The following OSBP2 variants were observed in gnomAD, a reference collection of about 807,000 sequenced individuals.
The protein encoded by OSBP2 is oxysterol-binding protein 2.
A neutral mutation model predicts 96.0 loss-of-function variants in OSBP2; 66 were observed. The observed-to-expected ratio is 0.69, with a 90% CI of 0.56 to 0.84. OSBP2 has a LOEUF of 0.84. OSBP2 is among the 40% of genes least tolerant of loss of function. The pLI is 0.00. For synonymous variants in OSBP2, 525 were observed against 520.9 expected (o/e 1.01, Z -0.11); for missense variants, 1,038 against 1,222.7 (o/e 0.85, Z 2.25).
intron 12 of OSBP2, among the ~76,000 whole-genome samples, chr22:30,905,134 C>CTT (rs566334052): frequency 0.017 from 1,193 of 68,706 alleles, 97 homozygotes; most frequent in East Asian, 0.045. Flanking sequence ...CGAGACCCGT[C>CTT]TTTTTTTTTT....
intron 2 of OSBP2, among the ~76,000 whole-genome samples, chr22:30,834,302 T>C (rs2038588710): frequency 6.6e-6 from 1 of 152,246 alleles, no homozygotes; most frequent in African/African-American, 2.4e-5. Context: ...AACTTTTCTA[T>C]GAACACAAAA....
At chr22:30,874,364 A>G (rs970381627) in intron 3 of OSBP2, among the ~76,000 whole-genome samples, 9 of 152,166 alleles carry the variant, frequency 5.9e-5, no homozygotes, top group African/African-American at 1.9e-4. Flanking sequence ...GTGAGCCAAG[A>G]TCACGCCACT....
chr22:30,725,202 A>T (rs371973115), intron 1 of OSBP2, among the ~76,000 whole-genome samples: 1 of 145,144 alleles, frequency 6.9e-6, no homozygotes, highest in Non-Finnish European at 1.5e-5. Flanking sequence ...AAAAACAAAA[A>T]AAAAACAAAA....
chr22:30,826,910 G>A (rs951754333), intron 2 of OSBP2, among the ~76,000 whole-genome samples: 15 of 152,142 alleles, frequency 9.9e-5, no homozygotes, highest in African/African-American at 3.4e-4. Flanking sequence ...TTTCCATTCT[G>A]GTCCCACTGT....
At chr22:30,750,595 C>T (rs2090063130) in intron 2 of OSBP2, among the ~76,000 whole-genome samples, 1 of 152,208 alleles carries the variant, frequency 6.6e-6, no homozygotes, top group African/African-American at 2.4e-5. Flanking sequence ...TTAACATCAA[C>T]ACAGACCTTA....
At chr22:30,792,500 A>G (rs530110983) in intron 2 of OSBP2, among the ~76,000 whole-genome samples, 16 of 152,184 alleles carry the variant, frequency 1.1e-4, no homozygotes, top group African/African-American at 3.6e-4. Flanking sequence ...GTTTGCATTT[A>G]TACTTTTTAA....
At position 30,829,494 on chromosome 22, in the gene OSBP2, T is replaced by C. The variant is rs1434182073; in HGVS notation, c.854-40935T>C. 3.3e-5 allele frequency among the ~76,000 whole-genome samples: 5 copies of C among 152,304 alleles called. No individual in the cohort carries two copies. In the East Asian group the frequency reaches 9.7e-4, roughly 29 times the overall value. ...TTTTAGTAGAGATGGGGTTTCCCCA[T>C]GTTGGCCAGACTGGTCTTGAACTCC... On this transcript the variant is annotated intron_variant, in intron 2 of 13. Coordinates refer to ENST00000332585, the MANE Select transcript of OSBP2 (RefSeq NM_030758.4).
At chr22:30,902,139 CCA>C (rs2040223338) in intron 12 of OSBP2, 100 of 66,220 alleles carry the variant, frequency 1.5e-3, no homozygotes, top group East Asian at 2.5e-3. Context: ...AAAAAAAAAA[CCA>C]AAAAAAAAAA....
chr22:30,824,422 C>A (rs2038353868), intron 2 of OSBP2, among the ~76,000 whole-genome samples: 1 of 152,078 alleles, frequency 6.6e-6, no homozygotes, highest in South Asian at 2.1e-4. Context: ...GGGAGTTTGT[C>A]CCTCAGGTGT....
Position 30,752,533 on chromosome 22 carries a change from G to A in OSBP2, c.853+11164G>A, listed in dbSNP as rs187640411. On this transcript the variant is annotated intron_variant, in intron 2 of 13. Coordinates refer to ENST00000332585, the MANE Select transcript of OSBP2 (RefSeq NM_030758.4). ...TCTCGATCTCCTGACCTTGTGATCC[G>A]CCTGCCTTGGCCTCCCAAAGTGCTA... is the stretch of plus-strand genomic sequence containing the variant. Among the ~76,000 whole-genome samples the A allele has an allele frequency of 7.8e-3, 1,183 of 151,808 alleles. 51 individuals carry two copies. The highest frequency in any genetic ancestry group is 0.069 in the Admixed American group (1,048 of 15,212).
chr22:30,833,499 T>A (rs530868592), intron 2 of OSBP2, among the ~76,000 whole-genome samples: 12 of 152,350 alleles, frequency 7.9e-5, no homozygotes, highest in African/African-American at 2.9e-4. Flanking sequence ...CCTTGACCTG[T>A]CACCCTGAAC....
chr22:30,764,822 G>A (rs942084555), intron 2 of OSBP2, among the ~76,000 whole-genome samples: 86 of 152,200 alleles, frequency 5.7e-4, no homozygotes, highest in African/African-American at 2.0e-3. Flanking sequence ...CTCCCAGCTG[G>A]CCAGACAGTA....
rs2039987170 is a variant in OSBP2, at chr22:30,893,155, G to A, written c.1903G>A (p.Val635Met). Residue 635 changes from valine (V) to methionine (M), a missense_variant, in exon 9 of 14, where the codon GTG becomes ATG. Physicochemically the swap from Val to Met is conservative, Grantham distance 21. Coordinates refer to ENST00000332585, the MANE Select transcript of OSBP2 (RefSeq NM_030758.4). ...CCACCCCCCCTCAGCTGCGCACTAC[G>A]TGTTCTCCAAGCATGGCTGGAGCCT... ...SHHPPSAAHY[V>M]FSKHGWSLWQ... 8 of 1,614,046 alleles carry A rather than the reference G, an allele frequency of 5.0e-6. No homozygotes were observed. Among genetic ancestry groups the A allele is most frequent in the South Asian group, 1.1e-5 (1 of 91,084 alleles).
At chr22:30,769,501 T>C (rs2090320329) in intron 2 of OSBP2, among the ~76,000 whole-genome samples, 1 of 152,012 alleles carries the variant, frequency 6.6e-6, no homozygotes, top group South Asian at 2.1e-4. Flanking sequence ...ATACAAAAAT[T>C]AGCTGGGTGT....
At chr22:30,713,172 G>C (rs1167994574) in intron 1 of OSBP2, among the ~76,000 whole-genome samples, 2 of 151,038 alleles carry the variant, frequency 1.3e-5, no homozygotes, top group East Asian at 2.0e-4. Context: ...TCCGCCTCCT[G>C]GGTTCACGCC....
chr22:30,873,474 G>C (rs1223867706), intron 3 of OSBP2, among the ~76,000 whole-genome samples: 1 of 152,154 alleles, frequency 6.6e-6, no homozygotes, highest in Non-Finnish European at 1.5e-5. Flanking sequence ...CCAGGGACTT[G>C]GATATGGAAG....
chr22:30,869,775 G>A (rs1003776368), intron 2 of OSBP2, among the ~76,000 whole-genome samples: 2 of 152,186 alleles, frequency 1.3e-5, no homozygotes, highest in Non-Finnish European at 1.5e-5. Flanking sequence ...TGGACAGAAG[G>A]TGGCATTGGG....
chr22:30,879,277 G>T (rs1242582214), intron 3 of OSBP2, among the ~76,000 whole-genome samples: 2 of 152,242 alleles, frequency 1.3e-5, no homozygotes, highest in Non-Finnish European at 2.9e-5. Context: ...TCCAGGGCCT[G>T]GGGAGATGGG....
At chr22:30,879,524 C>T (rs1222579583) in intron 3 of OSBP2, among the ~76,000 whole-genome samples, 1 of 152,004 alleles carries the variant, frequency 6.6e-6, no homozygotes, top group African/African-American at 2.4e-5. Context: ...CAGCCTGGGC[C>T]AAGCGCTCCT....
Sources: gnomAD v4.1 joint callset for allele counts (sites outside exome capture counted in the v4.1 genomes callset) on GRCh38, gnomAD v4.1.1 for gene constraint, MANE v1.5 for transcripts, NCBI Gene and HGNC (gene_info 2026-07-23, HGNC 2026-07-21) for gene names.